The following TTC34 variants were observed in gnomAD, a reference collection of about 807,000 sequenced individuals.
TTC34 encodes the protein tetratricopeptide repeat protein 34.
TTC34 carries 44 observed loss-of-function variants against 40.7 expected under a neutral mutation model. That is an observed-to-expected ratio of 1.08 (90% CI 0.85 to 1.39). TTC34 has a LOEUF of 1.39. Ranked by LOEUF, TTC34 falls within the 40% of genes most tolerant of loss-of-function variation. The pLI, the probability that TTC34 is intolerant of heterozygous loss-of-function variation, is 0.00. For synonymous variants in TTC34, 422 were observed against 398.6 expected (o/e 1.06, Z -0.70); for missense variants, 884 against 838.0 (o/e 1.05, Z -0.68).
intron 6 of TTC34, among the ~76,000 whole-genome samples, chr1:2,652,387 C>G (rs377693900): frequency 3.9e-3 from 554 of 142,256 alleles, no homozygotes; most frequent in South Asian, 6.4e-3. Flanking sequence ...CATCTGACAG[C>G]CTGGAGCAGC....
chr1:2,639,365 C>G (rs1314642290), exon 9 of TTC34: 1 of 152,338 alleles, frequency 6.6e-6, no homozygotes, highest in Non-Finnish European at 1.5e-5. Flanking sequence ...GCAGGACATC[C>G]CAGGCGAGGA....
exon 9 of TTC34, chr1:2,640,136 G>T: frequency 6.6e-6 from 1 of 152,462 alleles, no homozygotes; most frequent in Non-Finnish European, 1.5e-5. Context: ...GGAGGAGAGA[G>T]AAGCCAGGAG....
At chr1:2,755,998 T>G (rs1641493309) in intron 6 of TTC34, among the ~76,000 whole-genome samples, 1 of 82,060 alleles carries the variant, frequency 1.2e-5, no homozygotes, top group Non-Finnish European at 2.1e-5. Flanking sequence ...CAGGTGAGCA[T>G]CTGACACCCT....
At chr1:2,798,646 CCTCCCAGG>C in intron 2 of TTC34, among the ~76,000 whole-genome samples, 1 of 127,840 alleles carries the variant, frequency 7.8e-6, no homozygotes, top group Admixed American at 7.9e-5. Context: ...AGCCACCCAG[CCTCCCAGG>C]CTCCCAGCCT....
At chr1:2,652,465 G>C (rs937910531) in intron 6 of TTC34, among the ~76,000 whole-genome samples, 2,371 of 99,832 alleles carry the variant, frequency 0.024, no homozygotes, top group African/African-American at 0.035. Context: ...GCATCCGACA[G>C]CCTGGAGCAG....
At chr1:2,686,628 A>C (rs1570814930) in intron 6 of TTC34, among the ~76,000 whole-genome samples, 1 of 143,154 alleles carries the variant, frequency 7.0e-6, no homozygotes, top group Non-Finnish European at 1.5e-5. Context: ...GACAGCATGT[A>C]ACAGCACCCA....
rs1268854016 is a variant in TTC34, at chr1:2,751,773, A to G, written c.2226+31836T>C. On this transcript the variant is annotated intron_variant, in intron 6 of 8. Transcript: ENST00000401095. ...TCGTAGAGCAGCACCCCACACCCAC[A>G]GGTGAGCATCTGACAGCCTGGAGCA... is the stretch of plus-strand genomic sequence containing the variant. 3.3e-5 allele frequency among the ~76,000 whole-genome samples: 3 copies of G among 91,042 alleles called. 1 individual carries two copies. The highest frequency in any genetic ancestry group is 6.8e-5 in the Non-Finnish European group (3 of 44,312). The allele number at this position is 91,042 out of a possible 152,430, so 59.7% of individuals were successfully genotyped here. A position where few individuals can be genotyped will look rare whatever the true frequency, so the allele number is the denominator to read the frequency against.
exon 9 of TTC34, chr1:2,641,607 C>T (rs1022417420): frequency 1.3e-6 from 2 of 1,534,046 alleles, no homozygotes; most frequent in African/African-American, 2.7e-5. Flanking sequence ...AGGGCCTGGG[C>T]AAAGGCCCCT....
intron 6 of TTC34, among the ~76,000 whole-genome samples, chr1:2,782,888 AC>A (rs1299325940): frequency 1.3e-5 from 2 of 152,166 alleles, no homozygotes; most frequent in Admixed American, 6.5e-5. Flanking sequence ...TGGGCTGAGC[AC>A]ACAGGTCCAG....
chr1:2,686,462 A>C (rs1319292228), intron 6 of TTC34, among the ~76,000 whole-genome samples: 387 of 56,452 alleles, frequency 6.9e-3, no homozygotes, highest in Middle Eastern at 0.013. Context: ...CATCTGACAG[A>C]CTGGAACAGC....
intron 6 of TTC34, among the ~76,000 whole-genome samples, chr1:2,750,189 G>GAGCA (rs1641268858): frequency 6.6e-6 from 1 of 151,530 alleles, no homozygotes; most frequent in Non-Finnish European, 1.5e-5. Flanking sequence ...TGACAGCCTG[G>GAGCA]GTCGGCACCC....
chr1:2,788,355 G>A (rs1213736000), intron 3 of TTC34, among the ~76,000 whole-genome samples: 1 of 151,698 alleles, frequency 6.6e-6, no homozygotes, highest in Non-Finnish European at 1.5e-5. Flanking sequence ...TGTGTGTGGT[G>A]TGTGTGTTGT....
intron 6 of TTC34, among the ~76,000 whole-genome samples, chr1:2,752,754 G>A (rs1334975844): frequency 4.3e-5 from 5 of 117,644 alleles, no homozygotes; most frequent in Non-Finnish European, 8.5e-5. Flanking sequence ...GCATCTGACA[G>A]CGTGGAACAG....
exon 2 of TTC34, chr1:2,800,241 G>A (rs577111079): frequency 1.6e-4 from 62 of 398,534 alleles, no homozygotes; most frequent in Middle Eastern, 1.3e-3. Context: ...CGGGTGCCCC[G>A]AGAGGTAGTC....
At chr1:2,694,195 G>GGGAGCATC (rs1640756885) in intron 6 of TTC34, among the ~76,000 whole-genome samples, 1 of 141,400 alleles carries the variant, frequency 7.1e-6, no homozygotes, top group Admixed American at 7.0e-5. Flanking sequence ...ACACCCCCAG[G>GGGAGCATC]TGAGCATGTG....
Position 2,750,467 on chromosome 1 carries a change from C to A in TTC34, c.2226+33142G>T, listed in dbSNP as rs1192658469. On this transcript the variant is annotated intron_variant, in intron 6 of 8. Transcript: ENST00000401095. ...CACACCCAGGCGAGTATCTGACGGCCTGGAACAGCACCCACACCCCCAGTT... is the reference window on the plus strand; with the variant it reads ...CACACCCAGGCGAGTATCTGACGGCATGGAACAGCACCCACACCCCCAGTT... Among the ~76,000 whole-genome samples, 6 of 116,110 alleles carry A rather than the reference C, an allele frequency of 5.2e-5. 2 individuals are homozygous for A. The highest frequency in any genetic ancestry group is 7.8e-5 in the African/African-American group (2 of 25,654). The allele number at this position is 116,110 out of a possible 152,430, so 76.2% of individuals were successfully genotyped here. A position where few individuals can be genotyped will look rare whatever the true frequency, so the allele number is the denominator to read the frequency against.
chr1:2,752,199 A>G (rs1641342061), intron 6 of TTC34, among the ~76,000 whole-genome samples: 2 of 121,078 alleles, frequency 1.7e-5, no homozygotes, highest in African/African-American at 7.3e-5. Flanking sequence ...AGCCTGGAAC[A>G]GAACCCACAC....
At chr1:2,799,562 C>T (rs1023563546) in intron 2 of TTC34, among the ~76,000 whole-genome samples, 1 of 152,086 alleles carries the variant, frequency 6.6e-6, no homozygotes, top group African/African-American at 2.4e-5. Flanking sequence ...AAATGCAGCT[C>T]AGAGTACCTC....
At chr1:2,644,202 G>A (rs1289035747) in intron 8 of TTC34, 62 bp downstream of exon 8, 1 of 1,464,960 alleles carries the variant, frequency 6.8e-7, no homozygotes, top group South Asian at 1.2e-5. Context: ...GTGGGCCCGG[G>A]GGTCTCATGC....
Sources: gnomAD v4.1 joint callset for allele counts (sites outside exome capture counted in the v4.1 genomes callset) on GRCh38, gnomAD v4.1.1 for gene constraint, MANE v1.5 for transcripts, NCBI Gene and HGNC (gene_info 2026-07-23, HGNC 2026-07-21) for gene names.